TENM2: variants seen among roughly 807,000 people sequenced by gnomAD.
TENM2 encodes teneurin transmembrane protein 2.
Under a neutral mutation model 245.2 loss-of-function variants are expected in TENM2, and 52 were observed. That is an observed-to-expected ratio of 0.21 (90% CI 0.17 to 0.27). TENM2 has a LOEUF of 0.27. Among genes scored for constraint, TENM2 ranks in the 10% least tolerant of loss-of-function variants. The pLI is 1.00. For synonymous variants in TENM2, 1,363 were observed against 1,438.9 expected, an observed-to-expected ratio of 0.95 and a Z score of 1.19; for missense variants, 3,046 against 3,666.8, an observed-to-expected ratio of 0.83 and a Z score of 4.37.
At chr5:167,974,002 AGGGAG>A (rs755147045) in intron 4 of TENM2, among the ~76,000 whole-genome samples, 3 of 58,970 alleles carry the variant, frequency 5.1e-5, no homozygotes, top group African/African-American at 1.4e-4. Context: ...GAAGGGAGAA[AGGGAG>A]GGAGGGAGGG....
intron 4 of TENM2, among the ~76,000 whole-genome samples, chr5:167,979,498 G>T (rs1411531404): frequency 1.3e-5 from 2 of 152,148 alleles, no homozygotes; most frequent in Non-Finnish European, 2.9e-5. Context: ...AACTGGCCAG[G>T]TGATTCGTGT....
intron 2 of TENM2, among the ~76,000 whole-genome samples, chr5:167,765,276 GCAAA>G (rs779435531): frequency 1.3e-4 from 20 of 152,148 alleles, no homozygotes; most frequent in Admixed American, 9.2e-4. Flanking sequence ...TTACCTCTGG[GCAAA>G]TGCAGGGATG....
At chr5:167,959,206 T>G (rs1372719290) in intron 4 of TENM2, among the ~76,000 whole-genome samples, 2 of 148,248 alleles carry the variant, frequency 1.3e-5, no homozygotes, top group African/African-American at 4.9e-5. Context: ...TTTTTTTTTC[T>G]TTTTTTGAGA....
chr5:167,241,237 A>G, the TENM2 span, among the ~76,000 whole-genome samples: 1 of 152,204 alleles, frequency 6.6e-6, no homozygotes, highest in African/African-American at 2.4e-5. Context: ...ATAATTGTAT[A>G]TACAGCATAG....
intron 4 of TENM2, among the ~76,000 whole-genome samples, chr5:167,979,098 A>T (rs1243455287): frequency 6.6e-6 from 1 of 152,210 alleles, no homozygotes; most frequent in Non-Finnish European, 1.5e-5. Flanking sequence ...TGTCAACAGG[A>T]TCCCCATTCA....
At chr5:167,967,293 C>G (rs887665141) in intron 4 of TENM2, among the ~76,000 whole-genome samples, 1 of 152,206 alleles carries the variant, frequency 6.6e-6, no homozygotes, top group African/African-American at 2.4e-5. Flanking sequence ...GAAAATAAAG[C>G]AAGCCTAGTC....
rs561589337 is a variant in TENM2, at chr5:168,137,066, A to C, written c.2422+10100A>C. ...TCATGCATGAGACCCAGCACCATGC[A>C]GTGCAAACTGAACATCACAAAAAGT... is the stretch of plus-strand genomic sequence containing the variant. On this transcript the variant is annotated intron_variant, in intron 12 of 28. Transcript: ENST00000518659. Among the ~76,000 whole-genome samples the C allele has an allele frequency of 2.6e-5, 4 of 152,332 alleles. No homozygotes were observed. The South Asian group carries it at 8.3e-4, about 32-fold the overall frequency.
At chr5:167,262,114 T>C in the TENM2 span, among the ~76,000 whole-genome samples, 1 of 152,198 alleles carries the variant, frequency 6.6e-6, no homozygotes, top group Non-Finnish European at 1.5e-5. Flanking sequence ...GGTAAGATTA[T>C]TTGGAAATTT....
chr5:167,998,078 A>T (rs1784183912), intron 5 of TENM2, among the ~76,000 whole-genome samples: 1 of 152,216 alleles, frequency 6.6e-6, no homozygotes, highest in Non-Finnish European at 1.5e-5. Flanking sequence ...TTCCAAGGAA[A>T]ATTTTAGGAA....
chr5:167,445,108 A>G (rs1765082910), intron 2 of TENM2, among the ~76,000 whole-genome samples: 2 of 151,978 alleles, frequency 1.3e-5, no homozygotes, highest in African/African-American at 4.8e-5. Flanking sequence ...TAGCACTTGT[A>G]GTGGTAGTAG....
chr5:167,662,504 C>G (rs1358715196), intron 2 of TENM2, among the ~76,000 whole-genome samples: 1 of 152,158 alleles, frequency 6.6e-6, no homozygotes, highest in African/African-American at 2.4e-5. Context: ...AACTCTTGAT[C>G]TACATCCACC....
intron 2 of TENM2, among the ~76,000 whole-genome samples, chr5:167,621,845 T>C (rs1022164467): frequency 6.6e-6 from 1 of 152,204 alleles, no homozygotes; most frequent in Non-Finnish European, 1.5e-5. Flanking sequence ...TGCAGGCTTA[T>C]GAATTTGGAA....
intron 2 of TENM2, among the ~76,000 whole-genome samples, chr5:167,410,028 T>C (rs775210580): frequency 2.6e-5 from 4 of 152,052 alleles, no homozygotes; most frequent in Non-Finnish European, 4.4e-5. Flanking sequence ...TTCATTATGA[T>C]GTAGCTTCAT....
chr5:167,955,016 GGTTCTA>G (rs1780439514), intron 4 of TENM2, among the ~76,000 whole-genome samples: 1 of 152,054 alleles, frequency 6.6e-6, no homozygotes. Context: ...TGGTATTTCT[GGTTCTA>G]GATCCTTGAG....
chr5:167,269,636 TA>T, the TENM2 span, among the ~76,000 whole-genome samples: 17,136 of 151,674 alleles, frequency 0.11, 1,125 homozygotes, highest in East Asian at 0.18. Context: ...GGGGATGGAG[TA>T]AAAAAGGATT....
intron 5 of TENM2, among the ~76,000 whole-genome samples, chr5:168,043,711 T>A (rs1313024386): frequency 2.6e-5 from 4 of 152,214 alleles, no homozygotes; most frequent in Admixed American, 6.5e-5. Flanking sequence ...TCTTCATACA[T>A]GCTGTATTCT....
At chr5:167,303,841 A>T (rs1380067511) in intron 1 of TENM2, among the ~76,000 whole-genome samples, 1 of 152,158 alleles carries the variant, frequency 6.6e-6, no homozygotes, top group Non-Finnish European at 1.5e-5. Context: ...TCTGATTTGA[A>T]GTCTGTATGG....
chr5:167,315,489 G>A (rs1756309674), intron 1 of TENM2, among the ~76,000 whole-genome samples: 1 of 152,036 alleles, frequency 6.6e-6, no homozygotes, highest in African/African-American at 2.4e-5. Flanking sequence ...GATTTTGGAG[G>A]TATTCACAGA....
intron 2 of TENM2, among the ~76,000 whole-genome samples, chr5:167,862,850 G>T (rs1771948341): frequency 6.6e-6 from 1 of 152,202 alleles, no homozygotes; most frequent in South Asian, 2.1e-4. Context: ...CTCCATACTT[G>T]TCATGAGAAT....
Sources: allele counts gnomAD v4.1 joint callset (sites outside exome capture counted in the v4.1 genomes callset), GRCh38; gene constraint gnomAD v4.1.1; transcripts MANE v1.5; gene names NCBI Gene and HGNC (gene_info 2026-07-23, HGNC 2026-07-21).